EPHA5: variants seen among roughly 807,000 people sequenced by gnomAD.
EPHA5 encodes the protein ephrin type-A receptor 5.
EPHA5 carries 60 observed loss-of-function variants against 105.0 expected under a neutral mutation model. That is an observed-to-expected ratio of 0.57 (90% confidence interval 0.46 to 0.71). The LOEUF is 0.71. Among genes scored for constraint, EPHA5 ranks in the 30% least tolerant of loss-of-function variants. The probability of loss-of-function intolerance (pLI) is 0.00; values close to 1 mark genes in which losing one functional copy is unlikely to be tolerated. For synonymous variants in EPHA5, 513 were observed against 449.1 expected (o/e 1.14, Z -1.80); for missense variants, 1,218 against 1,274.7 (o/e 0.96, Z 0.68).
intron 14 of EPHA5, among the ~76,000 whole-genome samples, chr4:65,339,844 G>A (rs1383393317): frequency 1.3e-5 from 2 of 152,008 alleles, no homozygotes; most frequent in Non-Finnish European, 2.9e-5. Flanking sequence ...AATCTAAAGG[G>A]CATTGTATAT....
intron 5 of EPHA5, among the ~76,000 whole-genome samples, chr4:65,423,197 G>A (rs911977674): frequency 1.3e-5 from 2 of 151,858 alleles, no homozygotes. Flanking sequence ...TGGGGTTGTG[G>A]GTTTTTTGGG....
rs574626636 is a variant in EPHA5 at position 65,490,329 on chromosome 4, G to A, written c.1402+48C>T. The A allele has an allele frequency of 2.0e-6, 3 of 1,536,318 alleles. No individual in the cohort carries two copies. In the South Asian group the frequency reaches 3.5e-5, roughly 18 times the overall value. Reference sequence around the variant, plus strand: ...TTGGCCGTCAGCTATGGAAATAATTGACAGAACTAGGCCTCACATACACAA... The same window carrying A: ...TTGGCCGTCAGCTATGGAAATAATTAACAGAACTAGGCCTCACATACACAA... On this transcript the variant is annotated intron_variant, in intron 5 of 16. Transcript: ENST00000613740.
chr4:65,658,616 A>G (rs1305842353), intron 1 of EPHA5, among the ~76,000 whole-genome samples: 2 of 152,096 alleles, frequency 1.3e-5, no homozygotes, highest in Non-Finnish European at 2.9e-5. Context: ...GCACATTATT[A>G]ATAATAATTC....
In EPHA5 at chr4:65,539,352, G is replaced by T. The variant is rs112155799; in HGVS notation, c.911-43809C>A. 4.9e-3 allele frequency among the ~76,000 whole-genome samples: 729 copies of T among 147,676 alleles called. 3 individuals are homozygous for T. The highest frequency in any genetic ancestry group is 7.3e-3 in the Non-Finnish European group (486 of 66,382). On this transcript the variant is annotated intron_variant, in intron 3 of 16. Coordinates refer to ENST00000613740, the MANE Select transcript of EPHA5 (RefSeq NM_001281766.3). ...AGGAGGAGGAAGAGAAAAAGAAGTT[G>T]TTTAAATACAATATTTAGGAAATGA... is the stretch of plus-strand genomic sequence containing the variant.
chr4:65,507,010 T>TA (rs1409576865), intron 3 of EPHA5, among the ~76,000 whole-genome samples: 1 of 152,196 alleles, frequency 6.6e-6, no homozygotes, highest in Non-Finnish European at 1.5e-5. Context: ...GTCTAACATT[T>TA]AAGTCTTTAA....
intron 3 of EPHA5, among the ~76,000 whole-genome samples, chr4:65,513,175 A>G (rs535797844): frequency 2.6e-5 from 4 of 152,338 alleles, no homozygotes; most frequent in Admixed American, 2.0e-4. Flanking sequence ...TTAAAGTAAT[A>G]AAAAGTTATA....
chr4:65,466,468 G>C (rs1246300698), intron 5 of EPHA5, among the ~76,000 whole-genome samples: 1 of 152,154 alleles, frequency 6.6e-6, no homozygotes, highest in East Asian at 1.9e-4. Context: ...GTCATTAGAG[G>C]GTTTTGAGGA....
chr4:65,472,057 G>T (rs138112244), intron 5 of EPHA5, among the ~76,000 whole-genome samples: 1 of 152,242 alleles, frequency 6.6e-6, no homozygotes, highest in Non-Finnish European at 1.5e-5. Context: ...AAAATCAAAA[G>T]CTAGTTAGTT....
At chr4:65,458,105 CT>C (rs1050897765) in intron 5 of EPHA5, among the ~76,000 whole-genome samples, 22 of 143,610 alleles carry the variant, frequency 1.5e-4, no homozygotes, top group African/African-American at 5.3e-4. Flanking sequence ...AAAAGAGTAC[CT>C]TTTTTGAAGG....
At chr4:65,575,209 C>A (rs148565875) in intron 3 of EPHA5, among the ~76,000 whole-genome samples, 1 of 151,994 alleles carries the variant, frequency 6.6e-6, no homozygotes, top group Non-Finnish European at 1.5e-5. Flanking sequence ...CATTCTGGTC[C>A]ACTGAAAGTT....
intron 1 of EPHA5, among the ~76,000 whole-genome samples, chr4:65,648,194 C>T (rs1449228865): frequency 6.6e-6 from 1 of 152,192 alleles, no homozygotes; most frequent in East Asian, 1.9e-4. Flanking sequence ...CAACTTCACA[C>T]ATTCTAATAA....
intron 3 of EPHA5, among the ~76,000 whole-genome samples, chr4:65,549,891 T>A (rs1474127481): frequency 1.3e-5 from 2 of 152,118 alleles, no homozygotes; most frequent in Non-Finnish European, 2.9e-5. Flanking sequence ...AGATTGATAA[T>A]GGTCTCCCAA....
intron 3 of EPHA5, among the ~76,000 whole-genome samples, chr4:65,511,242 G>A (rs1196801245): frequency 6.6e-6 from 1 of 152,166 alleles, no homozygotes; most frequent in East Asian, 1.9e-4. Flanking sequence ...GATGTGGTAA[G>A]TAGGGTGTCT....
chr4:65,348,128 A>G lies in EPHA5; in HGVS notation c.2521T>C (p.Trp841Arg), dbSNP rs1722397264. 1 of 1,613,792 alleles carries G rather than the reference A, an allele frequency of 6.2e-7. No homozygotes were observed. Among genetic ancestry groups the G allele is most frequent in the Non-Finnish European group, 8.5e-7 (1 of 1,179,810 alleles). Residue 841 changes from tryptophan (W) to arginine (R), a missense_variant, in exon 14 of 17, where the codon TGG (tryptophan) becomes CGG (arginine). Physicochemically the swap from Trp to Arg is moderately radical, Grantham distance 101. This residue lies in a region of EPHA5 where 971 missense variants were observed against 1,013.5 expected (regional missense o/e 0.96). Coordinates refer to ENST00000613740, the MANE Select transcript of EPHA5 (RefSeq NM_001281766.3). Reference protein sequence around the residue: ...FRKFTSASDVWSYGIVMWEVV... With the variant: ...FRKFTSASDVRSYGIVMWEVV... ...TCCCACATTACTATTCCATAACTCC[A>G]GACATCACTGGCAGAAGTAAACTTT...
intron 5 of EPHA5, among the ~76,000 whole-genome samples, chr4:65,448,655 T>C (rs556548631): frequency 1.4e-4 from 21 of 151,808 alleles, no homozygotes; most frequent in Non-Finnish European, 2.8e-4. Flanking sequence ...CTCGAAAACA[T>C]AGAAACAAAC....
At chr4:65,591,268 T>G (rs1279990121) in intron 3 of EPHA5, among the ~76,000 whole-genome samples, 1 of 152,110 alleles carries the variant, frequency 6.6e-6, no homozygotes, top group Non-Finnish European at 1.5e-5. Flanking sequence ...TATCTTCATT[T>G]TTAGTACTAT....
chr4:65,429,269 A>T (rs1724751674), intron 5 of EPHA5, among the ~76,000 whole-genome samples: 10 of 152,092 alleles, frequency 6.6e-5, no homozygotes, highest in Admixed American at 4.6e-4. Flanking sequence ...AAGAGAATAT[A>T]GTCCCATATG....
intron 5 of EPHA5, among the ~76,000 whole-genome samples, chr4:65,465,531 AGAAAG>A (rs1273867646): frequency 7.7e-5 from 6 of 78,246 alleles, no homozygotes; most frequent in African/African-American, 2.5e-4. Context: ...AAGAAAGAAA[AGAAAG>A]GAAAGGAAGG....
chr4:65,466,757 G>A (rs1351905985), intron 5 of EPHA5, among the ~76,000 whole-genome samples: 3 of 152,250 alleles, frequency 2.0e-5, no homozygotes, highest in East Asian at 3.9e-4. Context: ...CAAGATTACC[G>A]AAGCTCTTAA....
Sources: gnomAD v4.1 joint callset for allele counts (sites outside exome capture counted in the v4.1 genomes callset) on GRCh38, gnomAD v4.1.1 for gene constraint, gnomAD v4.1.1 regional missense constraint, MANE v1.5 for transcripts, NCBI Gene and HGNC (gene_info 2026-07-23, HGNC 2026-07-21) for gene names.